Variants in RAP1GAP observed in about 807,000 individuals in gnomAD.
The protein encoded by RAP1GAP is rap1 GTPase-activating protein 1.
Under a neutral mutation model 87.2 loss-of-function variants are expected in RAP1GAP, and 35 were observed. The observed-to-expected ratio is 0.40, with a 90% confidence interval of 0.31 to 0.53. The LOEUF (loss-of-function observed/expected upper bound fraction) is 0.53, where lower values mean the gene tolerates loss of function less well. Among genes scored for constraint, RAP1GAP ranks in the 20% least tolerant of loss-of-function variants. The pLI, the probability that RAP1GAP is intolerant of heterozygous loss-of-function variation, is 0.48. For synonymous variants in RAP1GAP, 375 were observed against 363.9 expected (o/e 1.03, Z -0.35); for missense variants, 734 against 898.9 (o/e 0.82, Z 2.35).
chr1:21,614,817 T>C (rs947332), intron 7 of RAP1GAP, among the ~76,000 whole-genome samples: 136,456 of 152,232 alleles, frequency 0.9, 61,205 homozygotes, highest in East Asian at 0.97. Flanking sequence ...CCCGGGCTCC[T>C]CCTGCCAACC....
At chr1:21,661,641 C>A (rs561741716) in intron 1 of RAP1GAP, among the ~76,000 whole-genome samples, 1 of 152,366 alleles carries the variant, frequency 6.6e-6, no homozygotes, top group African/African-American at 2.4e-5. Context: ...AATAAAAGTA[C>A]TTACCGCATA....
At chr1:21,659,649 C>T (rs2097034117) in intron 1 of RAP1GAP, among the ~76,000 whole-genome samples, 1 of 151,920 alleles carries the variant, frequency 6.6e-6, no homozygotes, top group African/African-American at 2.4e-5. Context: ...TGAGGCTGAT[C>T]CTGCAAGAGT....
chr1:21,648,758 G>A (rs35020664), intron 2 of RAP1GAP, among the ~76,000 whole-genome samples: 2 of 152,308 alleles, frequency 1.3e-5, no homozygotes, highest in South Asian at 2.1e-4. Flanking sequence ...ACTAGGCACA[G>A]CAGCAGGAGA....
At chr1:21,602,207 C>T (rs1445470400) in intron 19 of RAP1GAP, among the ~76,000 whole-genome samples, 2 of 152,246 alleles carry the variant, frequency 1.3e-5, no homozygotes, top group African/African-American at 4.8e-5. Flanking sequence ...GCCCTGGCCT[C>T]ACACGCAGTG....
At chr1:21,664,974 GCA>G (rs2097292148) in intron 1 of RAP1GAP, among the ~76,000 whole-genome samples, 1 of 152,286 alleles carries the variant, frequency 6.6e-6, no homozygotes, top group South Asian at 2.1e-4. Context: ...AAGAAATGAG[GCA>G]CAGAGAAGGC....
At chr1:21,601,843 G>C (rs1257218564) in intron 19 of RAP1GAP, 46 bp from the exon 20 acceptor site, 1 of 1,411,660 alleles carries the variant, frequency 7.1e-7, no homozygotes, top group South Asian at 1.2e-5. Context: ...ACCAGGCCTG[G>C]CATCAGGCGT....
chr1:21,625,936 A>G (rs566201835), intron 3 of RAP1GAP, among the ~76,000 whole-genome samples: 2 of 152,324 alleles, frequency 1.3e-5, no homozygotes, highest in East Asian at 3.9e-4. Context: ...CTTTGCAGCA[A>G]TCTTCACAAT....
intron 1 of RAP1GAP, among the ~76,000 whole-genome samples, chr1:21,662,682 T>C (rs1308733396): frequency 1.3e-5 from 2 of 152,076 alleles, no homozygotes; most frequent in Non-Finnish European, 2.9e-5. Context: ...TTGCTCCCAT[T>C]ACCCAGAGCA....
intron 16 of RAP1GAP, among the ~76,000 whole-genome samples, chr1:21,608,560 C>T (rs115070771): frequency 0.032 from 4,875 of 151,380 alleles, 119 homozygotes; most frequent in Non-Finnish European, 0.042. Flanking sequence ...CCCCTCAAAG[C>T]CCCTTCAAGA....
intron 7 of RAP1GAP, among the ~76,000 whole-genome samples, chr1:21,614,514 A>G (rs2080711158): frequency 6.6e-6 from 1 of 152,168 alleles, no homozygotes; most frequent in Non-Finnish European, 1.5e-5. Context: ...GCAGGTGCTC[A>G]ATGAGCAAAA....
chr1:21,648,226 A>G (rs1170687970), intron 2 of RAP1GAP, among the ~76,000 whole-genome samples: 1 of 152,198 alleles, frequency 6.6e-6, no homozygotes, highest in Non-Finnish European at 1.5e-5. Flanking sequence ...GACTCGCCCA[A>G]AGTCACACAG....
chr1:21,618,106 G>A, intron 5 of RAP1GAP, 134 bp from the exon 6 acceptor site: 2 of 1,047,960 alleles, frequency 1.9e-6, no homozygotes, highest in Non-Finnish European at 1.5e-6. Flanking sequence ...TTACAGATGG[G>A]CAGGGGCTGA....
intron 3 of RAP1GAP, among the ~76,000 whole-genome samples, chr1:21,623,903 C>T (rs1047589956): frequency 6.6e-6 from 1 of 152,166 alleles, no homozygotes; most frequent in South Asian, 2.1e-4. Flanking sequence ...TGCACATATG[C>T]GTGCAGCCAT....
chr1:21,627,509 G>A (rs1317130134), intron 2 of RAP1GAP, among the ~76,000 whole-genome samples: 1 of 148,818 alleles, frequency 6.7e-6, no homozygotes, highest in Admixed American at 6.8e-5. Context: ...TCTGTCTCCC[G>A]AGTTCGAGCG....
At chr1:21,638,865 C>T (rs988816964) in intron 2 of RAP1GAP, among the ~76,000 whole-genome samples, 8 of 152,172 alleles carry the variant, frequency 5.3e-5, no homozygotes, top group South Asian at 2.1e-4. Context: ...GAAGCTGACA[C>T]GAAAAGAGAC....
intron 1 of RAP1GAP, among the ~76,000 whole-genome samples, chr1:21,658,900 G>A (rs1409866283): frequency 6.7e-6 from 1 of 148,800 alleles, no homozygotes. Flanking sequence ...GTGTAGGCAG[G>A]CTTATTTCCT....
At position 21,622,427 on chromosome 1, in the gene RAP1GAP, C is replaced by G. The variant is rs1226721261; in HGVS notation, c.-18-2377G>C. On this transcript the variant is annotated intron_variant, in intron 3 of 24. Coordinates refer to ENST00000374765, the MANE Select transcript of RAP1GAP (RefSeq NM_002885.4). This position sits in a 1 kb window ranked among gnomAD's most constrained non-coding sequence, Gnocchi z 5.7. Reference sequence around the variant, plus strand: ...CAGCTGTGCCATCCTGAGCGCGGCCCGGCCCGGCCCCCGCCGGGGCGGCAC... The same window carrying G: ...CAGCTGTGCCATCCTGAGCGCGGCCGGGCCCGGCCCCCGCCGGGGCGGCAC... The G allele has an allele frequency of 2.3e-4, 67 of 295,776 alleles. 2 individuals are homozygous for G. The East Asian group carries it at 3.6e-3, about 16-fold the overall frequency. The allele number at this position is 295,776 out of a possible 1,614,324, so 18.3% of individuals were successfully genotyped here.
At chr1:21,627,114 C>G (rs2092440673) in intron 2 of RAP1GAP, among the ~76,000 whole-genome samples, 1 of 152,236 alleles carries the variant, frequency 6.6e-6, no homozygotes, top group Non-Finnish European at 1.5e-5. Context: ...CCCTAAAAAG[C>G]CTGCCGAGGC....
chr1:21,611,400 G>A, intron 13 of RAP1GAP, 52 bp downstream of exon 13: 1 of 1,573,676 alleles, frequency 6.4e-7, no homozygotes, highest in African/African-American at 1.3e-5. Context: ...ACAGACAGGT[G>A]GAGGGGGAGG....
Sources: allele counts gnomAD v4.1 joint callset (sites outside exome capture counted in the v4.1 genomes callset), GRCh38; gene constraint gnomAD v4.1.1; non-coding constraint Gnocchi (gnomAD v3.1); transcripts MANE v1.5; gene names NCBI Gene and HGNC (gene_info 2026-07-23, HGNC 2026-07-21).